KRT32: variants seen among roughly 807,000 people sequenced by gnomAD.
KRT32 encodes keratin 32.
Under a neutral mutation model 41.8 loss-of-function variants are expected in KRT32, and 44 were observed. That is an observed-to-expected ratio of 1.05 (90% CI 0.83 to 1.35). The LOEUF (loss-of-function observed/expected upper bound fraction) is 1.35, where lower values mean the gene tolerates loss of function less well. Ranked by LOEUF, KRT32 falls within the 40% of genes most tolerant of loss-of-function variation. The pLI, the probability that KRT32 is intolerant of heterozygous loss-of-function variation, is 0.00. For synonymous variants in KRT32, 238 were observed against 242.5 expected (o/e 0.98, Z 0.17); for missense variants, 576 against 584.6 (o/e 0.99, Z 0.15).
At chr17:41,466,826 A>G in intron 1 of KRT32, 32 bp downstream of exon 1, 1 of 1,499,424 alleles carries the variant, frequency 6.7e-7, no homozygotes, top group Non-Finnish European at 9.2e-7. Flanking sequence ...TTCCCTTCCC[A>G]GAGAGCCTAT....
At chr17:41,460,260 G>C (rs774057000) in intron 6 of KRT32, 21 bp from the exon 7 acceptor site, 4 of 1,570,312 alleles carry the variant, frequency 2.5e-6, no homozygotes, top group Middle Eastern at 1.7e-4. Flanking sequence ...AAGTCAAAGA[G>C]AAACAGGATT....
chr17:41,462,822 C>A lies in KRT32; in HGVS notation c.1217+8G>T. 1 of 1,612,756 alleles carries A rather than the reference C, an allele frequency of 6.2e-7. No homozygotes were observed. Among genetic ancestry groups the A allele is most frequent in the Non-Finnish European group, 8.5e-7 (1 of 1,179,772 alleles). ...ACGTCTCTCTAAGCCTCAGCTGGGCCTGCGTACTTGCAGTCCTCGTTCTCC... is the reference window on the plus strand; with the variant it reads ...ACGTCTCTCTAAGCCTCAGCTGGGCATGCGTACTTGCAGTCCTCGTTCTCC... On this transcript the variant is annotated splice_region_variant and intron_variant, in intron 6 of 6. Transcript: ENST00000225899.
Position 41,463,003 on chromosome 17 carries a change from G to A in KRT32, c.1044C>T (p.Ser348=). The A allele has an allele frequency of 6.2e-7, 1 of 1,614,138 alleles. No homozygotes were observed. Residue 348 remains serine, a synonymous_variant, in exon 6 of 7, where the codon AGC becomes AGT. Transcript: ENST00000225899. ...TGCACTGCATCTGGGCCAGCTGGGA[G>A]CTGTAGCGGGCCTCACTCTCCGTCA... ...NTLTESEARY[S]SQLAQMQCMI...
chr17:41,465,820 C>T lies in KRT32; in HGVS notation c.661G>A (p.Glu221Lys). 1 of 1,613,658 alleles carries T rather than the reference C, an allele frequency of 6.2e-7. No individual in the cohort carries two copies. Among genetic ancestry groups the T allele is most frequent in the South Asian group, 1.1e-5 (1 of 91,054 alleles). ...CACATCAGCTCCTCCTTCAGGGACT[C>T]AACCTGGGCCTCCAGGTCAGCCTTG... Reference protein sequence around the residue: ...LCKADLEAQVESLKEELMCLK... With the variant: ...LCKADLEAQVKSLKEELMCLK... The change falls in exon 3 of 7, where the codon GAG becomes AAG. Residue 221 changes from glutamate (E) to lysine (K), a missense_variant. By Grantham distance (56) the Glu-to-Lys change is moderately conservative (BLOSUM62 1). Transcript: ENST00000225899.
rs199902330 is a variant in KRT32 at position 41,467,151 on chromosome 17, C to T, written c.175G>A (p.Ala59Thr). ...AGATAGGTTTTGGAGAGGCAGCTGG[C>T]TGGCCGGAAGGTGGTGGGCAGGCAG... is the stretch of plus-strand genomic sequence containing the variant. The part of the protein sequence containing the change: ...SVCLPTTFRP[A>T]SCLSKTYLSS... Residue 59 changes from alanine to threonine, a missense_variant, in exon 1 of 7, where the codon GCC (alanine) becomes ACC (threonine). By Grantham distance (58) the Ala-to-Thr change is moderately conservative. Transcript: ENST00000225899. 11 of 1,614,054 alleles carry T rather than the reference C, an allele frequency of 6.8e-6. No individual in the cohort carries two copies. In the African/African-American group the frequency reaches 1.5e-4, roughly 21 times the overall value.
chr17:41,465,815 G>A lies in KRT32; in HGVS notation c.666C>T (p.Ser222=), dbSNP rs1178978148. Residue 222 remains serine, a synonymous_variant, in exon 3 of 7, where the codon TCC becomes TCT. Transcript: ENST00000225899. ...CKADLEAQVE[S]LKEELMCLKK... ...TGAGGCACATCAGCTCCTCCTTCAG[G>A]GACTCAACCTGGGCCTCCAGGTCAG... 8 of 1,613,174 alleles carry A rather than the reference G, an allele frequency of 5.0e-6. No individual in the cohort carries two copies. Among genetic ancestry groups the A allele is most frequent in the Non-Finnish European group, 6.8e-6 (8 of 1,179,578 alleles).
chr17:41,459,934 T>A lies in KRT32; in HGVS notation c.*176A>T. 1.7e-6 allele frequency: 1 copy of A among 592,836 alleles called. No individual in the cohort carries two copies. The highest frequency in any genetic ancestry group is 3.4e-5 in the East Asian group (1 of 29,584). The allele number at this position is 592,836 out of a possible 1,614,324, so 36.7% of individuals were successfully genotyped here. A position where few individuals can be genotyped will look rare whatever the true frequency, so the allele number is the denominator to read the frequency against. On this transcript the variant is annotated 3_prime_UTR_variant, in exon 7 of 7. Coordinates refer to ENST00000225899, the MANE Select transcript of KRT32 (RefSeq NM_002278.3). ...GTTCACCCATGGAAAAAAGAGGCAG[T>A]TTTGAAGTGATGAGGGCTTAAGTAT...
At chr17:41,466,251 A>G (rs2019067194) in intron 1 of KRT32, 75 bp from the exon 2 acceptor site, 1 of 1,252,228 alleles carries the variant, frequency 8.0e-7, no homozygotes. Flanking sequence ...AAGAGAAGAC[A>G]GCAGCAAAGG....
At position 41,465,756 on chromosome 17, in the gene KRT32, G is replaced by A. The variant is rs199750321; in HGVS notation, c.708+17C>T. ...CTCTGCTTCCCGGGGCCACTTCAGC[G>A]GGACTTCCAGCCTCACCTCCTCATG... On this transcript the variant is annotated intron_variant, in intron 3 of 6. Coordinates refer to ENST00000225899, the MANE Select transcript of KRT32 (RefSeq NM_002278.3). The A allele has an allele frequency of 2.0e-4, 328 of 1,600,700 alleles. No individual in the cohort carries two copies. Among genetic ancestry groups the A allele is most frequent in the Non-Finnish European group, 2.6e-4 (306 of 1,171,698 alleles).
chr17:41,463,996 C>T, intron 5 of KRT32, 82 bp downstream of exon 5: 1 of 1,327,090 alleles, frequency 7.5e-7, no homozygotes, highest in South Asian at 2.2e-5. Context: ...TGAGCCTCCT[C>T]TTCCTCTTTC....
At chr17:41,463,871 T>A (rs1208083641) in intron 5 of KRT32, among the ~76,000 whole-genome samples, 1 of 152,196 alleles carries the variant, frequency 6.6e-6, no homozygotes, top group East Asian at 1.9e-4. Context: ...TTTGACAGTG[T>A]CCACCTAACC....
chr17:41,464,350 T>A lies in KRT32; in HGVS notation c.802A>T (p.Met268Leu), dbSNP rs2019043144. Residue 268 changes from methionine to leucine, a missense_variant, in exon 4 of 7, where the codon ATG (methionine) becomes TTG (leucine). Coordinates refer to ENST00000225899, the MANE Select transcript of KRT32 (RefSeq NM_002278.3). The stretch of plus-strand genomic sequence containing the variant: ...ACCATGGCCTCGTACTGACACCGCA[T>A]CTCCTCCAGCACCCTGGTCAGGTCC... Reference protein sequence around the residue: ...PVDLTRVLEEMRCQYEAMVEA... With the variant: ...PVDLTRVLEELRCQYEAMVEA... 1.2e-6 allele frequency: 2 copies of A among 1,612,488 alleles called. No individual in the cohort carries two copies. The highest frequency in any genetic ancestry group is 1.7e-6 in the Non-Finnish European group (2 of 1,179,128).
Position 41,466,900 on chromosome 17 carries a change from G to A in KRT32, c.426C>T (p.Asp142=). Residue 142 remains aspartate, a synonymous_variant, in exon 1 of 7, where the codon GAC becomes GAT. Coordinates refer to ENST00000225899, the MANE Select transcript of KRT32 (RefSeq NM_002278.3). ...SHSQVLTMTP[D]YQSHFRTIEE... Reference sequence around the variant, plus strand: ...CAATGGTCCTGAAATGAGACTGGTAGTCAGGAGTCATGGTGAGCACCTGGG... The same window carrying A: ...CAATGGTCCTGAAATGAGACTGGTAATCAGGAGTCATGGTGAGCACCTGGG... The A allele has an allele frequency of 1.9e-6, 3 of 1,614,160 alleles. No individual in the cohort carries two copies. The highest frequency in any genetic ancestry group is 2.5e-6 in the Non-Finnish European group (3 of 1,179,986).
chr17:41,459,986 G>T lies in KRT32; in HGVS notation c.*124C>A. On this transcript the variant is annotated 3_prime_UTR_variant, in exon 7 of 7. Coordinates refer to ENST00000225899, the MANE Select transcript of KRT32 (RefSeq NM_002278.3). ...CCCTGGAGTATCAGAGCTTGTTGCA[G>T]GTGATCCACGGTCCTGCTCAGGGTC... The T allele has an allele frequency of 9.9e-7, 1 of 1,014,940 alleles. No homozygotes were observed. Among genetic ancestry groups the T allele is most frequent in the Non-Finnish European group, 1.4e-6 (1 of 709,572 alleles). 62.9% of individuals were successfully genotyped at this position (1,014,940 alleles called of 1,614,324 possible).
chr17:41,461,324 T>C (rs1253860655), intron 6 of KRT32, among the ~76,000 whole-genome samples: 2 of 151,992 alleles, frequency 1.3e-5, no homozygotes, highest in African/African-American at 2.4e-5. Context: ...AAACAATAAA[T>C]GAATGAAGAA....
chr17:41,463,478 G>A (rs1019654051), intron 5 of KRT32, among the ~76,000 whole-genome samples: 2 of 152,250 alleles, frequency 1.3e-5, no homozygotes, highest in Admixed American at 6.5e-5. Flanking sequence ...GCCAAGGCAG[G>A]TGGATCACCT....
chr17:41,465,987 G>A (rs571998013), intron 2 of KRT32, 58 bp from the exon 3 acceptor site: 14 of 1,601,156 alleles, frequency 8.7e-6, no homozygotes, highest in Admixed American at 5.0e-5. Context: ...CTCAGGGAAG[G>A]CCTTAAACTG....
chr17:41,460,852 G>A (rs1376784486), intron 6 of KRT32, among the ~76,000 whole-genome samples: 1 of 152,132 alleles, frequency 6.6e-6, no homozygotes, highest in Admixed American at 6.5e-5. Context: ...ATGTATCCCA[G>A]AAGTTAAAGT....
chr17:41,460,009 G>A lies in KRT32; in HGVS notation c.*101C>T. 7 of 1,296,794 alleles carry A rather than the reference G, an allele frequency of 5.4e-6. No individual in the cohort carries two copies. The highest frequency in any genetic ancestry group is 4.5e-5 in the South Asian group (3 of 66,178). The allele number at this position is 1,296,794 out of a possible 1,614,324, so 80.3% of individuals were successfully genotyped here. On this transcript the variant is annotated 3_prime_UTR_variant, in exon 7 of 7. Transcript: ENST00000225899. ...CAGGTGATCCACGGTCCTGCTCAGG[G>A]TCTTCCTTGCTGACCGGGGCTGGCC...
Sources: gnomAD v4.1 joint callset for allele counts (sites outside exome capture counted in the v4.1 genomes callset) on GRCh38, gnomAD v4.1.1 for gene constraint, MANE v1.5 for transcripts, NCBI Gene and HGNC (gene_info 2026-07-23, HGNC 2026-07-21) for gene names.